Variants in TET3 observed in about 807,000 individuals in gnomAD.
The protein encoded by TET3 is methylcytosine dioxygenase TET3.
A neutral mutation model predicts 141.4 loss-of-function variants in TET3; 19 were observed. The observed-to-expected ratio is 0.13, with a 90% CI of 0.09 to 0.20. The LOEUF (loss-of-function observed/expected upper bound fraction) is 0.20. Ranked by LOEUF, TET3 falls within the 10% of genes least tolerant of loss-of-function variation. TET3 has a pLI of 1.00. For missense variants in TET3, 1,874 were observed against 2,356.9 expected, an observed-to-expected ratio of 0.80 and a Z score of 4.24; for synonymous variants, 1,043 against 980.9, an observed-to-expected ratio of 1.06 and a Z score of -1.18.
intron 5 of TET3, among the ~76,000 whole-genome samples, chr2:74,078,743 A>G (rs1044775896): frequency 8.5e-5 from 13 of 152,358 alleles, no homozygotes; most frequent in African/African-American, 1.9e-4. Flanking sequence ...TTCATGCTCT[A>G]TGAAATAGTA....
At position 73,986,806 on chromosome 2, in the gene TET3, T is replaced by A. The variant is rs755377007; in HGVS notation, c.303+100T>A. 8.3e-6 allele frequency: 9 copies of A among 1,078,120 alleles called. No individual in the cohort carries two copies. The South Asian group carries it at 1.5e-4, about 18-fold the overall frequency. 66.8% of individuals were successfully genotyped at this position (1,078,120 alleles called of 1,614,324 possible). On this transcript the variant is annotated intron_variant, in intron 2 of 11. Transcript: ENST00000409262. Reference sequence around the variant, plus strand: ...GGCTCGTCCAGTTGAGTCCATTCTCTCATTTCTGATCCTCTTGGTCCAACT... The same window carrying A: ...GGCTCGTCCAGTTGAGTCCATTCTCACATTTCTGATCCTCTTGGTCCAACT...
chr2:74,086,155 A>T (rs371461052), intron 6 of TET3, among the ~76,000 whole-genome samples: 3 of 152,232 alleles, frequency 2.0e-5, no homozygotes, highest in African/African-American at 7.2e-5. Context: ...AGCCCTTCCC[A>T]GTCTACCCTC....
chr2:74,124,127 G>A, the TET3 span, among the ~76,000 whole-genome samples: 2 of 151,964 alleles, frequency 1.3e-5, no homozygotes, highest in Non-Finnish European at 2.9e-5. Context: ...AGGAGGTGGG[G>A]GGCAGCCCCC....
intron 5 of TET3, among the ~76,000 whole-genome samples, chr2:74,075,113 G>A (rs983925775): frequency 7.8e-4 from 119 of 151,976 alleles, no homozygotes; most frequent in Middle Eastern, 3.4e-3. Context: ...CTTGTGATCC[G>A]CCCGCCTCGG....
At chr2:74,006,031 A>G (rs913996967) in intron 3 of TET3, among the ~76,000 whole-genome samples, 16 of 151,872 alleles carry the variant, frequency 1.1e-4, no homozygotes, top group African/African-American at 3.9e-4. Flanking sequence ...TCTGGAAACT[A>G]TTTTGGGATT....
At chr2:73,996,324 T>C (rs13391360) in intron 2 of TET3, among the ~76,000 whole-genome samples, 20,885 of 152,050 alleles carry the variant, frequency 0.14, 1,709 homozygotes, top group African/African-American at 0.22. Context: ...CTTCATCTTC[T>C]TTTTTAGCCC....
chr2:74,077,143 T>A lies in TET3; in HGVS notation c.2586-3355T>A, dbSNP rs564303265. ...AAAGAACCAACACTGCACTAGCAGG[T>A]TCTCTGAGATTTGGGGGAACTGGTC... On this transcript the variant is annotated intron_variant, in intron 5 of 11. Transcript: ENST00000409262. Among the ~76,000 whole-genome samples, 199 of 152,346 alleles carry A rather than the reference T, an allele frequency of 1.3e-3. 1 individual carries two copies. Among genetic ancestry groups the A allele is most frequent in the Middle Eastern group, 6.8e-3 (2 of 294 alleles).
chr2:74,004,606 T>G (rs1319173722), intron 3 of TET3, among the ~76,000 whole-genome samples: 1 of 152,152 alleles, frequency 6.6e-6, no homozygotes, highest in African/African-American at 2.4e-5. Flanking sequence ...GGCTTCCCCG[T>G]CTAGCGGGTG....
At chr2:74,135,471 T>C in the TET3 span, 1 of 1,394,266 alleles carries the variant, frequency 7.2e-7, no homozygotes, top group Non-Finnish European at 1.0e-6. Context: ...CTTCTATAAT[T>C]ATAATATGGA....
At chr2:74,053,972 TG>T (rs1688082052) in intron 4 of TET3, among the ~76,000 whole-genome samples, 1 of 152,186 alleles carries the variant, frequency 6.6e-6, no homozygotes, top group African/African-American at 2.4e-5. Flanking sequence ...GAAAACTTCC[TG>T]CAGGAGAGGA....
chr2:74,080,840 C>T (rs970136952), intron 6 of TET3, among the ~76,000 whole-genome samples: 6 of 152,294 alleles, frequency 3.9e-5, no homozygotes, highest in Admixed American at 1.3e-4. Flanking sequence ...TGCCAGTCCC[C>T]GAGTCTTGGG....
At chr2:74,023,383 C>T (rs1374147688) in intron 3 of TET3, among the ~76,000 whole-genome samples, 1 of 152,174 alleles carries the variant, frequency 6.6e-6, no homozygotes, top group Non-Finnish European at 1.5e-5. Context: ...GCTGGGACTA[C>T]AGGTGTGCGC....
chr2:74,049,201 G>C (rs1384875516), intron 4 of TET3, among the ~76,000 whole-genome samples: 2 of 152,134 alleles, frequency 1.3e-5, no homozygotes, highest in Non-Finnish European at 2.9e-5. Flanking sequence ...TCTCTGCCTG[G>C]GGGTGGTGGT....
chr2:74,056,702 T>G (rs941049792), intron 4 of TET3, among the ~76,000 whole-genome samples: 11 of 152,158 alleles, frequency 7.2e-5, no homozygotes, highest in Non-Finnish European at 1.5e-4. Context: ...AATAGTGACT[T>G]AACAGCAAGA....
downstream of TET3, among the ~76,000 whole-genome samples, chr2:74,110,748 G>A (rs1691684611): frequency 6.6e-6 from 1 of 152,106 alleles, no homozygotes. Context: ...CCATCTTCCT[G>A]TATGTTTGTC....
intron 6 of TET3, among the ~76,000 whole-genome samples, chr2:74,084,221 G>A (rs1013651430): frequency 2.0e-5 from 3 of 152,152 alleles, no homozygotes; most frequent in Non-Finnish European, 1.5e-5. Flanking sequence ...AGGAAATTCC[G>A]GCACATGCTA....
intron 2 of TET3, among the ~76,000 whole-genome samples, chr2:73,989,605 G>A (rs79169294): frequency 0.018 from 2,751 of 152,196 alleles, 80 homozygotes; most frequent in African/African-American, 0.062. Flanking sequence ...GCTAGAGACA[G>A]GTCCCCCAGG....
Position 74,062,013 on chromosome 2 carries a change from C to T in TET3, c.2495-11536C>T, listed in dbSNP as rs544579980. 7.9e-5 allele frequency among the ~76,000 whole-genome samples: 12 copies of T among 151,596 alleles called. No homozygotes were observed. In the East Asian group the frequency reaches 2.1e-3, roughly 27 times the overall value. The stretch of plus-strand genomic sequence containing the variant: ...GCAGAGACGCTCCTCACTTCCCAGA[C>T]GGGGTGGCGGCCGGGCAGAGGCTGC... On this transcript the variant is annotated intron_variant, in intron 4 of 11. Transcript: ENST00000409262.
chr2:74,097,494 G>A (rs1690920911), intron 10 of TET3, among the ~76,000 whole-genome samples: 1 of 152,092 alleles, frequency 6.6e-6, no homozygotes, highest in Non-Finnish European at 1.5e-5. Context: ...ATGCAGACCT[G>A]GATAATTGTC....
Sources: allele counts gnomAD v4.1 joint callset (sites outside exome capture counted in the v4.1 genomes callset), GRCh38; gene constraint gnomAD v4.1.1; transcripts MANE v1.5; gene names NCBI Gene and HGNC (gene_info 2026-07-23, HGNC 2026-07-21).